MEIS1: variants seen among roughly 807,000 people sequenced by gnomAD.
The protein encoded by MEIS1 is homeobox protein Meis1.
In MEIS1, 5 loss-of-function variants were observed where a neutral mutation model predicts 50.8. The observed-to-expected ratio is 0.10, with a 90% confidence interval of 0.05 to 0.21. The LOEUF is 0.21. MEIS1 is among the 10% of genes least tolerant of loss of function. The pLI is 1.00. For synonymous variants in MEIS1, 176 were observed against 179.3 expected, an observed-to-expected ratio of 0.98 and a Z score of 0.15; for missense variants, 318 against 517.3, an observed-to-expected ratio of 0.61 and a Z score of 3.74.
At chr2:66,500,537 G>A (rs1374862905) in intron 7 of MEIS1, among the ~76,000 whole-genome samples, 1 of 152,108 alleles carries the variant, frequency 6.6e-6, no homozygotes, top group Non-Finnish European at 1.5e-5. Context: ...GGATTCTCCT[G>A]CCTCAGCCTC....
chr2:66,532,290 C>A (rs1674412071), intron 8 of MEIS1, among the ~76,000 whole-genome samples: 1 of 152,092 alleles, frequency 6.6e-6, no homozygotes, highest in Admixed American at 6.5e-5. Flanking sequence ...TTTTCTTATC[C>A]CTGAAATCAC....
intron 10 of MEIS1, 98 bp from the exon 11 acceptor site, chr2:66,568,565 TTCTG>T: frequency 1.1e-6 from 1 of 875,178 alleles, no homozygotes; most frequent in Non-Finnish European, 1.9e-6. Context: ...GCCTGCTATG[TTCTG>T]TCTCTTTCTC....
At chr2:66,540,303 C>A (rs570116745) in intron 8 of MEIS1, among the ~76,000 whole-genome samples, 20 of 152,208 alleles carry the variant, frequency 1.3e-4, no homozygotes, top group African/African-American at 4.8e-4. Context: ...CCAAGGGCCT[C>A]CTGTCCTGTT....
Position 66,435,683 on chromosome 2 carries a change from A to ACC in MEIS1, c.-173_-172dup. The ACC allele has an allele frequency of 3.6e-6, 2 of 550,130 alleles. No individual in the cohort carries two copies. The highest frequency in any genetic ancestry group is 6.2e-6 in the Non-Finnish European group (2 of 323,778). The allele number at this position is 550,130 out of a possible 1,614,324, so 34.1% of individuals were successfully genotyped here. A position where few individuals can be genotyped will look rare whatever the true frequency, so the allele number is the denominator to read the frequency against. On this transcript the variant is annotated 5_prime_UTR_variant, in exon 1 of 13. Coordinates refer to ENST00000272369, the MANE Select transcript of MEIS1 (RefSeq NM_002398.3). ...GGGCGCTTTGCTTCAGGTCCCGTAGACCGAAGATCTGGGACCAGTAGCTCA... is the reference window on the plus strand; with the variant it reads ...GGGCGCTTTGCTTCAGGTCCCGTAGACCCCGAAGATCTGGGACCAGTAGCTCA...
intron 9 of MEIS1, among the ~76,000 whole-genome samples, chr2:66,563,828 G>A (rs1675274682): frequency 6.6e-6 from 1 of 152,184 alleles, no homozygotes; most frequent in African/African-American, 2.4e-5. Flanking sequence ...TCTGCTGTGT[G>A]TAGCATAATT....
intron 7 of MEIS1, among the ~76,000 whole-genome samples, chr2:66,507,293 A>AAG (rs1203893774): frequency 6.6e-6 from 1 of 152,124 alleles, no homozygotes; most frequent in Non-Finnish European, 1.5e-5. Flanking sequence ...TAAACACTGG[A>AAG]AGAGGAGAAA....
intron 9 of MEIS1, among the ~76,000 whole-genome samples, chr2:66,552,732 C>G (rs1482915079): frequency 1.3e-5 from 2 of 152,084 alleles, no homozygotes; most frequent in South Asian, 4.2e-4. Flanking sequence ...TAAACAGATT[C>G]AGCTGTTAAA....
At chr2:66,570,619 C>G (rs1675463010) in intron 12 of MEIS1, 1 of 152,246 alleles carries the variant, frequency 6.6e-6, no homozygotes, top group South Asian at 2.1e-4. Context: ...AAACAATACA[C>G]CTGTCAGTTT....
Position 66,495,080 on chromosome 2 carries a change from C to CTTTTTTTTT in MEIS1, c.743-17049_743-17041dup, listed in dbSNP as rs70943701. ...GAATGCCCACTTTCCCTCTTCTGAC[C>CTTTTTTTTT]TTTTTTTTTTTTTTTTTTTTTTTTT... is the stretch of plus-strand genomic sequence containing the variant. On this transcript the variant is annotated intron_variant, in intron 7 of 12. Transcript: ENST00000272369. Among the ~76,000 whole-genome samples the CTTTTTTTTT allele has an allele frequency of 9.8e-5, 9 of 91,492 alleles. 3 individuals carry two copies. Among genetic ancestry groups the CTTTTTTTTT allele is most frequent in the Non-Finnish European group, 6.2e-5 (3 of 48,552 alleles). The allele number at this position is 91,492 out of a possible 152,430, so 60.0% of individuals were successfully genotyped here. A position where few individuals can be genotyped will look rare whatever the true frequency, so the allele number is the denominator to read the frequency against.
intron 3 of MEIS1, 55 bp from the exon 4 acceptor site, chr2:66,440,507 T>G: frequency 6.7e-7 from 1 of 1,503,462 alleles, no homozygotes; most frequent in Non-Finnish European, 9.2e-7. Context: ...ATTTCAAATT[T>G]TTCTTTCTTT....
intron 8 of MEIS1, among the ~76,000 whole-genome samples, chr2:66,524,013 G>T (rs757828852): frequency 3.3e-5 from 5 of 152,206 alleles, no homozygotes; most frequent in Non-Finnish European, 7.3e-5. Flanking sequence ...GAGAAGCAAG[G>T]CCAAATGTAC....
At chr2:66,487,002 G>A (rs534166386) in intron 7 of MEIS1, among the ~76,000 whole-genome samples, 115 of 152,248 alleles carry the variant, frequency 7.6e-4, no homozygotes, top group Non-Finnish European at 1.2e-3. Flanking sequence ...AGGCTGAGAC[G>A]ATGGGGTTTT....
chr2:66,536,981 G>A (rs766076875), intron 8 of MEIS1, among the ~76,000 whole-genome samples: 1 of 152,150 alleles, frequency 6.6e-6, no homozygotes, highest in Non-Finnish European at 1.5e-5. Flanking sequence ...TCCATTATTT[G>A]TCATCTTTAT....
Position 66,443,058 on chromosome 2 carries a change from T to G in MEIS1, c.630+10T>G, listed in dbSNP as rs1379377352. 1.6e-5 allele frequency: 25 copies of G among 1,567,634 alleles called. No individual in the cohort carries two copies. The highest frequency in any genetic ancestry group is 2.1e-5 in the Non-Finnish European group (24 of 1,164,842). On this transcript the variant is annotated intron_variant, in intron 6 of 12. Transcript: ENST00000272369. ...AAATCTAACTGACCAGGTATGCGCT[T>G]TTCAATTTCAACATCCCTGGGAAAA...
At chr2:66,512,018 A>C (rs1673843976) in intron 7 of MEIS1, 131 bp from the exon 8 acceptor site, 36 of 1,112,436 alleles carry the variant, frequency 3.2e-5, no homozygotes, top group Non-Finnish European at 4.1e-5. Context: ...AACACAACAA[A>C]AAAACAGTAC....
At chr2:66,569,006 T>C (rs765739289) in intron 11 of MEIS1, 44 bp from the exon 12 acceptor site, 1 of 1,565,112 alleles carries the variant, frequency 6.4e-7, no homozygotes, top group African/African-American at 1.4e-5. Flanking sequence ...CTGTTGACTT[T>C]GCTCATTTTC....
intron 8 of MEIS1, among the ~76,000 whole-genome samples, chr2:66,543,273 T>G (rs1384788226): frequency 2.0e-5 from 3 of 152,154 alleles, no homozygotes; most frequent in Non-Finnish European, 4.4e-5. Context: ...TTTGACGGGG[T>G]CATTAAGCAA....
intron 9 of MEIS1, among the ~76,000 whole-genome samples, chr2:66,552,544 G>A (rs564973401): frequency 6.6e-6 from 1 of 152,124 alleles, no homozygotes; most frequent in Non-Finnish European, 1.5e-5. Context: ...CTTAGATTTA[G>A]TGCTCATACC....
intron 8 of MEIS1, among the ~76,000 whole-genome samples, chr2:66,546,124 T>G (rs1249786135): frequency 6.6e-6 from 1 of 152,180 alleles, no homozygotes; most frequent in Non-Finnish European, 1.5e-5. Context: ...TTAAAGCAGG[T>G]GCTTCAGAGA....
Sources: allele counts gnomAD v4.1 joint callset (sites outside exome capture counted in the v4.1 genomes callset), GRCh38; gene constraint gnomAD v4.1.1; transcripts MANE v1.5; gene names NCBI Gene and HGNC (gene_info 2026-07-23, HGNC 2026-07-21).